MAGI2: variants seen among roughly 807,000 people sequenced by gnomAD.
The protein encoded by MAGI2 is membrane-associated guanylate kinase, WW and PDZ domain-containing protein 2.
Under a neutral mutation model 133.3 loss-of-function variants are expected in MAGI2, and 35 were observed. The observed-to-expected ratio is 0.26, with a 90% CI of 0.20 to 0.35. The LOEUF (loss-of-function observed/expected upper bound fraction) is 0.35. Among genes scored for constraint, MAGI2 ranks in the 10% least tolerant of loss-of-function variants. The probability of loss-of-function intolerance (pLI) is 1.00; values close to 1 mark genes in which losing one functional copy is unlikely to be tolerated. For missense variants in MAGI2, 1,636 were observed against 1,863.4 expected, an observed-to-expected ratio of 0.88 and a Z score of 2.25; for synonymous variants, 729 against 710.6, an observed-to-expected ratio of 1.03 and a Z score of -0.41.
At chr7:78,362,123 G>A (rs1271186073) in intron 7 of MAGI2, among the ~76,000 whole-genome samples, 1 of 152,074 alleles carries the variant, frequency 6.6e-6, no homozygotes, top group African/African-American at 2.4e-5. Flanking sequence ...ACAACATGGT[G>A]AAGCCCCACC....
At chr7:79,083,115 T>C (rs1816190207) in intron 1 of MAGI2, among the ~76,000 whole-genome samples, 1 of 151,534 alleles carries the variant, frequency 6.6e-6, no homozygotes, top group Non-Finnish European at 1.5e-5. Flanking sequence ...AAAGTTCATG[T>C]AATCTGTTAA....
At chr7:78,207,884 T>G (rs144845852) in intron 10 of MAGI2, among the ~76,000 whole-genome samples, 26 of 152,258 alleles carry the variant, frequency 1.7e-4, no homozygotes, top group East Asian at 5.8e-4. Flanking sequence ...TGTTGTTGTT[T>G]TTTGTTTTGT....
chr7:78,851,458 C>G (rs964598074), intron 2 of MAGI2, among the ~76,000 whole-genome samples: 2 of 151,962 alleles, frequency 1.3e-5, no homozygotes, highest in African/African-American at 2.4e-5. Flanking sequence ...AACAATAAAA[C>G]AAGCAGGGTG....
intron 1 of MAGI2, among the ~76,000 whole-genome samples, chr7:79,331,800 G>T (rs1197861894): frequency 6.6e-6 from 1 of 151,968 alleles, no homozygotes. Flanking sequence ...TTTTAAAAAG[G>T]TATCATTTTT....
chr7:79,002,450 G>T (rs569221102), intron 2 of MAGI2, among the ~76,000 whole-genome samples: 3 of 152,052 alleles, frequency 2.0e-5, no homozygotes, highest in Admixed American at 6.5e-5. Context: ...CTGTGTATTT[G>T]CACACACATG....
intron 7 of MAGI2, among the ~76,000 whole-genome samples, chr7:78,361,883 G>C (rs1792854189): frequency 6.6e-6 from 1 of 152,206 alleles, no homozygotes; most frequent in Non-Finnish European, 1.5e-5. Flanking sequence ...TCTCCCAGCA[G>C]GAAAAACGAC....
chr7:78,881,354 G>T (rs888376316), intron 2 of MAGI2, among the ~76,000 whole-genome samples: 3 of 147,150 alleles, frequency 2.0e-5, no homozygotes, highest in Non-Finnish European at 4.5e-5. Flanking sequence ...TTAAAAAATC[G>T]ACTCATAGAT....
intron 2 of MAGI2, among the ~76,000 whole-genome samples, chr7:78,842,609 T>A (rs1792239788): frequency 6.6e-6 from 1 of 151,888 alleles, no homozygotes; most frequent in Non-Finnish European, 1.5e-5. Flanking sequence ...TACATCAGAA[T>A]AGTCTGTCAA....
chr7:78,507,545 T>C (rs1421368579), intron 4 of MAGI2, among the ~76,000 whole-genome samples: 1 of 152,138 alleles, frequency 6.6e-6, no homozygotes, highest in Non-Finnish European at 1.5e-5. Flanking sequence ...AGTACTCTCC[T>C]AGACATTCAA....
At chr7:79,408,216 T>A (rs1284675776) in intron 1 of MAGI2, among the ~76,000 whole-genome samples, 2 of 152,140 alleles carry the variant, frequency 1.3e-5, no homozygotes, top group Non-Finnish European at 2.9e-5. Context: ...TCCCTATTTT[T>A]TTCATAATAT....
chr7:78,073,677 G>C (rs1034560215), intron 21 of MAGI2, among the ~76,000 whole-genome samples: 3 of 152,222 alleles, frequency 2.0e-5, no homozygotes, highest in African/African-American at 2.4e-5. Flanking sequence ...CTGTGGCTCA[G>C]TTGATAAATC....
At chr7:78,341,033 T>A (rs1022010906) in intron 9 of MAGI2, among the ~76,000 whole-genome samples, 1 of 152,152 alleles carries the variant, frequency 6.6e-6, no homozygotes, top group African/African-American at 2.4e-5. Context: ...TTTTGCAGAT[T>A]ACATGATTGT....
At chr7:78,177,416 G>GCACA (rs750332381) in intron 14 of MAGI2, among the ~76,000 whole-genome samples, 11 of 73,748 alleles carry the variant, frequency 1.5e-4, no homozygotes, top group Admixed American at 7.5e-4. Context: ...CTGTGAATAC[G>GCACA]CGCACACACA....
intron 1 of MAGI2, among the ~76,000 whole-genome samples, chr7:79,061,545 GT>G (rs917765190): frequency 6.6e-6 from 1 of 151,718 alleles, no homozygotes; most frequent in African/African-American, 2.4e-5. Flanking sequence ...TAGCTCTGAA[GT>G]TTTTTTTGAG....
At chr7:78,562,981 G>T (rs1188311417) in intron 3 of MAGI2, among the ~76,000 whole-genome samples, 1 of 147,028 alleles carries the variant, frequency 6.8e-6, no homozygotes, top group African/African-American at 2.5e-5. Context: ...GTCTCTTTGT[G>T]AGTTTCTTTT....
intron 1 of MAGI2, among the ~76,000 whole-genome samples, chr7:79,076,417 T>C (rs1815468426): frequency 6.6e-6 from 1 of 152,340 alleles, no homozygotes; most frequent in South Asian, 2.1e-4. Flanking sequence ...CCATCAATTG[T>C]CTTATATGGC....
At chr7:79,167,465 TATAC>T (rs1302089172) in intron 1 of MAGI2, among the ~76,000 whole-genome samples, 3 of 147,284 alleles carry the variant, frequency 2.0e-5, no homozygotes, top group Non-Finnish European at 3.0e-5. Flanking sequence ...TTCCTTTAAA[TATAC>T]ATTTCCTTTC....
intron 1 of MAGI2, among the ~76,000 whole-genome samples, chr7:79,172,047 G>T (rs1264638816): frequency 2.3e-4 from 35 of 151,744 alleles, no homozygotes. Context: ...CCACCCAGCA[G>T]CTATTCAAAA....
chr7:78,853,530 A>G (rs1452808348), intron 2 of MAGI2, among the ~76,000 whole-genome samples: 1 of 149,804 alleles, frequency 6.7e-6, no homozygotes, highest in East Asian at 2.0e-4. Context: ...TAATTTTTTA[A>G]TCGTTTGTAG....
Sources: gnomAD v4.1 joint callset for allele counts (sites outside exome capture counted in the v4.1 genomes callset) on GRCh38, gnomAD v4.1.1 for gene constraint, MANE v1.5 for transcripts, NCBI Gene and HGNC (gene_info 2026-07-23, HGNC 2026-07-21) for gene names.